Variants in SERPINI2 observed in about 807,000 individuals in gnomAD.
SERPINI2 encodes serpin I2.
A neutral mutation model predicts 47.3 loss-of-function variants in SERPINI2; 48 were observed. That is an observed-to-expected ratio of 1.02 (90% CI 0.81 to 1.29). The LOEUF (loss-of-function observed/expected upper bound fraction) is 1.29, where lower values mean the gene tolerates loss of function less well. Among genes scored for constraint, SERPINI2 ranks in the 50% most tolerant of loss-of-function variants. The pLI is 0.00. For missense variants in SERPINI2, 448 were observed against 456.9 expected (o/e 0.98, Z 0.18); for synonymous variants, 135 against 149.3 (o/e 0.90, Z 0.70).
At chr3:167,443,018 T>C (rs960877198) in intron 8 of SERPINI2, among the ~76,000 whole-genome samples, 4 of 152,214 alleles carry the variant, frequency 2.6e-5, no homozygotes, top group African/African-American at 7.2e-5. Context: ...TTATTAACTC[T>C]ACTATTCAGT....
rs1750103427 is a variant in SERPINI2 at position 167,465,399 on chromosome 3, C to G, written c.674-1G>C. ...TTCAGGGAAGATTCAGAAAAATAAC[C>G]TGGAATAGACAAAATAAAATATCAA... On this transcript the variant is annotated splice_acceptor_variant, in intron 4 of 8. Transcript: ENST00000264677. LOFTEE classifies it high-confidence loss of function. 6.2e-7 allele frequency: 1 copy of G among 1,600,738 alleles called. No homozygotes were observed. The highest frequency in any genetic ancestry group is 1.1e-5 in the South Asian group (1 of 88,130).
intron 7 of SERPINI2, among the ~76,000 whole-genome samples, chr3:167,448,903 TAAC>T (rs767057602): frequency 1.9e-4 from 29 of 152,140 alleles, no homozygotes; most frequent in Non-Finnish European, 3.8e-4. Flanking sequence ...ACAGAGATAA[TAAC>T]AAGAATCAAA....
At chr3:167,452,740 C>G (rs1749676625) in intron 6 of SERPINI2, among the ~76,000 whole-genome samples, 196 bp downstream of exon 6, 1 of 152,070 alleles carries the variant, frequency 6.6e-6, no homozygotes, top group Admixed American at 6.6e-5. Flanking sequence ...TTCTAAAATG[C>G]TTTTTGACTT....
chr3:167,475,867 T>C (rs907953362), upstream of SERPINI2, among the ~76,000 whole-genome samples: 4 of 151,744 alleles, frequency 2.6e-5, no homozygotes, highest in Non-Finnish European at 5.9e-5. Flanking sequence ...TCTCATCAAT[T>C]TTCTTATCCT....
chr3:167,450,263 A>T (rs970730394), intron 6 of SERPINI2, among the ~76,000 whole-genome samples: 4 of 152,346 alleles, frequency 2.6e-5, no homozygotes, highest in South Asian at 4.1e-4. Context: ...TTTTCAGCAT[A>T]AGATCGTGCT....
intron 8 of SERPINI2, 75 bp from the exon 9 acceptor site, chr3:167,442,260 A>G: frequency 9.7e-7 from 1 of 1,033,372 alleles, no homozygotes; most frequent in Non-Finnish European, 1.4e-6. Flanking sequence ...AGTTTTTCTT[A>G]ATATTTAACA....
chr3:167,444,554 G>A (rs1225423461), intron 8 of SERPINI2, among the ~76,000 whole-genome samples: 1 of 152,082 alleles, frequency 6.6e-6, no homozygotes, highest in Non-Finnish European at 1.5e-5. Context: ...TAATCTCAAT[G>A]ATTTCTTGAG....
intron 2 of SERPINI2, among the ~76,000 whole-genome samples, chr3:167,470,694 T>C (rs1462920981): frequency 6.6e-6 from 1 of 151,576 alleles, no homozygotes; most frequent in East Asian, 1.9e-4. Context: ...CTCAAGTAGC[T>C]GAGACTATAG....
chr3:167,458,420 G>C (rs1409147510), intron 5 of SERPINI2, among the ~76,000 whole-genome samples: 1 of 126,878 alleles, frequency 7.9e-6, no homozygotes, highest in Non-Finnish European at 1.7e-5. Context: ...CTGGCTAATT[G>C]TTTGTATTTT....
intron 8 of SERPINI2, among the ~76,000 whole-genome samples, chr3:167,443,328 C>T (rs1156644376): frequency 1.3e-5 from 2 of 152,092 alleles, no homozygotes; most frequent in African/African-American, 4.8e-5. Context: ...GGGATGGTCT[C>T]GATCTCCTGA....
chr3:167,442,085 T>G lies in SERPINI2; in HGVS notation c.*24A>C, dbSNP rs9942100. 7 of 1,556,284 alleles carry G rather than the reference T, an allele frequency of 4.5e-6. No individual in the cohort carries two copies. The African/African-American group carries it at 9.7e-5, about 22-fold the overall frequency. ...TCAGCTATTTTTGAGAAATCATCTT[T>G]TATTCTGAGGCTGTGCTTTTCATTC... On this transcript the variant is annotated 3_prime_UTR_variant, in exon 9 of 9. Transcript: ENST00000264677.
intron 3 of SERPINI2, 88 bp downstream of exon 3, chr3:167,466,967 G>A: frequency 1.2e-6 from 1 of 851,396 alleles, no homozygotes; most frequent in East Asian, 2.6e-5. Context: ...ACTGCAGTAG[G>A]AAAATATTCA....
At chr3:167,460,035 G>A (rs1016752688) in intron 5 of SERPINI2, among the ~76,000 whole-genome samples, 1 of 152,146 alleles carries the variant, frequency 6.6e-6, no homozygotes, top group African/African-American at 2.4e-5. Context: ...TTCTCCTAAC[G>A]GTCTCAGTGA....
intron 6 of SERPINI2, among the ~76,000 whole-genome samples, chr3:167,451,598 C>G (rs990885648): frequency 1.3e-5 from 2 of 152,168 alleles, no homozygotes; most frequent in African/African-American, 4.8e-5. Context: ...ACAGAAGATG[C>G]TGGACATTTA....
intron 5 of SERPINI2, among the ~76,000 whole-genome samples, chr3:167,463,039 A>G (rs1750026865): frequency 6.6e-6 from 1 of 152,110 alleles, no homozygotes; most frequent in Non-Finnish European, 1.5e-5. Context: ...ATCATTATCC[A>G]CATTTTATAT....
intron 6 of SERPINI2, among the ~76,000 whole-genome samples, chr3:167,452,500 T>C (rs2108156280): frequency 6.6e-6 from 1 of 152,350 alleles, no homozygotes; most frequent in South Asian, 2.1e-4. Flanking sequence ...CTTGATTGTG[T>C]TCATCATCCA....
intron 1 of SERPINI2, among the ~76,000 whole-genome samples, chr3:167,472,643 TATA>T (rs1750367669): frequency 6.6e-6 from 1 of 151,736 alleles, no homozygotes; most frequent in African/African-American, 2.4e-5. Context: ...TAAAATGAAA[TATA>T]ATATCAAAGA....
intron 8 of SERPINI2, among the ~76,000 whole-genome samples, chr3:167,445,142 T>C (rs1749435295): frequency 1.3e-5 from 2 of 152,176 alleles, no homozygotes. Context: ...TGTTTCATTG[T>C]TTTTAAGATA....
chr3:167,451,746 G>A (rs1749646761), intron 6 of SERPINI2, among the ~76,000 whole-genome samples: 1 of 152,218 alleles, frequency 6.6e-6, no homozygotes, highest in Admixed American at 6.5e-5. Context: ...ACAAGTGGCT[G>A]TTTGAAGTGT....
Sources: allele counts gnomAD v4.1 joint callset (sites outside exome capture counted in the v4.1 genomes callset), GRCh38; gene constraint gnomAD v4.1.1; transcripts MANE v1.5; gene names NCBI Gene and HGNC (gene_info 2026-07-23, HGNC 2026-07-21).